The following TMEM144 variants were observed in gnomAD, a reference collection of about 807,000 sequenced individuals.
The protein encoded by TMEM144 is transmembrane protein 144.
Under a neutral mutation model 43.6 loss-of-function variants are expected in TMEM144, and 39 were observed. The ratio of observed to expected loss-of-function variants is 0.90; its 90% CI spans 0.69 to 1.17. The LOEUF (loss-of-function observed/expected upper bound fraction) is 1.17, where lower values mean the gene tolerates loss of function less well. TMEM144 is among the 50% of genes most tolerant of loss of function. TMEM144 has a pLI of 0.00. For synonymous variants in TMEM144, 154 were observed against 133.6 expected (o/e 1.15, Z -1.06); for missense variants, 417 against 411.9 (o/e 1.01, Z -0.11).
At chr4:158,236,032 C>G (rs978595549) in intron 8 of TMEM144, among the ~76,000 whole-genome samples, 1 of 152,082 alleles carries the variant, frequency 6.6e-6, no homozygotes, top group Non-Finnish European at 1.5e-5. Flanking sequence ...AACATCAGCC[C>G]CTCTACTTTA....
At position 158,253,433 on chromosome 4, in the gene TMEM144, T is replaced by G; in HGVS notation, c.955-11T>G. 1 of 1,606,688 alleles carries G rather than the reference T, an allele frequency of 6.2e-7. No homozygotes were observed. The highest frequency in any genetic ancestry group is 8.5e-7 in the Non-Finnish European group (1 of 1,174,884). On this transcript the variant is annotated splice_polypyrimidine_tract_variant and intron_variant, in intron 12 of 12. Transcript: ENST00000296529. ...CCTTATTCATCACTGTTATTCTTTT[T>G]TCTTATTCAGGGTCTACAAAACTAC...
Position 158,244,325 on chromosome 4 carries a change from T to C in TMEM144, c.930T>C (p.Gly310=), listed in dbSNP as rs560631647. The C allele has an allele frequency of 1.9e-6, 3 of 1,608,504 alleles. No individual in the cohort carries two copies. Among genetic ancestry groups the C allele is most frequent in the East Asian group, 4.5e-5 (2 of 44,564 alleles). ...AGPGFIAAMW[G]IFMFKEIKGL... ...CAGGATTTATAGCTGCAATGTGGGG[T>C]ATCTTCATGTTTAAGGAAATAAAGG... The change falls in exon 12 of 13, where the codon GGT becomes GGC. Residue 310 remains glycine, a synonymous_variant. Coordinates refer to ENST00000296529, the MANE Select transcript of TMEM144 (RefSeq NM_018342.5).
At chr4:158,216,520 T>A (rs1227467339) in intron 4 of TMEM144, among the ~76,000 whole-genome samples, 1 of 152,208 alleles carries the variant, frequency 6.6e-6, no homozygotes, top group East Asian at 1.9e-4. Context: ...GGAGATTTCT[T>A]CTTGATGGTT....
intron 11 of TMEM144, among the ~76,000 whole-genome samples, chr4:158,243,117 A>C (rs547362281): frequency 6.6e-6 from 1 of 152,340 alleles, no homozygotes; most frequent in South Asian, 2.1e-4. Flanking sequence ...GGATTTTCAG[A>C]TTAAAAATTC....
At chr4:158,219,484 T>C (rs559502364) in intron 6 of TMEM144, 94 bp downstream of exon 6, 4 of 1,199,846 alleles carry the variant, frequency 3.3e-6, no homozygotes, top group African/African-American at 1.5e-5. Context: ...TAAACCTACA[T>C]TTCGTAAAAT....
chr4:158,216,233 G>A (rs1459858369), intron 4 of TMEM144, among the ~76,000 whole-genome samples: 1 of 152,148 alleles, frequency 6.6e-6, no homozygotes, highest in African/African-American at 2.4e-5. Flanking sequence ...CACCCAGCAG[G>A]TTCCACTGGG....
At chr4:158,210,697 C>T (rs968430481) in intron 1 of TMEM144, 111 bp downstream of exon 1, 4 of 152,210 alleles carry the variant, frequency 2.6e-5, no homozygotes, top group Non-Finnish European at 5.9e-5. Flanking sequence ...GGAATAAATA[C>T]ATTCAAGCAC....
In TMEM144 at chr4:158,223,715, A is replaced by C. The variant is rs143701930; in HGVS notation, c.413+4325A>C. Among the ~76,000 whole-genome samples, 21 of 152,362 alleles carry C rather than the reference A, an allele frequency of 1.4e-4. No individual in the cohort carries two copies. In the East Asian group the frequency reaches 3.7e-3, roughly 27 times the overall value. ...GCTGAGGATGATGGCTTCCAGCCTC[A>C]TCCATGTCTCTGCAAAGGACATGAC... On this transcript the variant is annotated intron_variant, in intron 6 of 12. Transcript: ENST00000296529.
At chr4:158,232,879 C>T (rs369944305) in intron 6 of TMEM144, 22 bp from the exon 7 acceptor site, 40 of 1,549,370 alleles carry the variant, frequency 2.6e-5, no homozygotes, top group Non-Finnish European at 3.1e-5. Context: ...ATAAATATCA[C>T]TAAAATTTAT....
intron 3 of TMEM144, 58 bp from the exon 4 acceptor site, chr4:158,215,133 G>A (rs1734153444): frequency 1.2e-6 from 2 of 1,608,600 alleles, no homozygotes; most frequent in African/African-American, 1.3e-5. Flanking sequence ...AGATATTCCT[G>A]AGCACAAATT....
At position 158,240,428 on chromosome 4, in the gene TMEM144, T is replaced by G. The variant is rs1356523862; in HGVS notation, c.802+10T>G. The G allele has an allele frequency of 6.3e-6, 10 of 1,593,804 alleles. No individual in the cohort carries two copies. In the African/African-American group the frequency reaches 8.1e-5, roughly 13 times the overall value. ...GAAGCAGTCCTACCAGGTAAGAATATGTACTACAGATCTTCTTACTATATG... is the reference window on the plus strand; with the variant it reads ...GAAGCAGTCCTACCAGGTAAGAATAGGTACTACAGATCTTCTTACTATATG... On this transcript the variant is annotated intron_variant, in intron 10 of 12. Coordinates refer to ENST00000296529, the MANE Select transcript of TMEM144 (RefSeq NM_018342.5).
intron 9 of TMEM144, among the ~76,000 whole-genome samples, 189 bp from the exon 10 acceptor site, chr4:158,240,110 C>T (rs1263691226): frequency 6.6e-6 from 1 of 152,120 alleles, no homozygotes; most frequent in Non-Finnish European, 1.5e-5. Context: ...CAGTCTCGAT[C>T]TCCTGACCTC....
chr4:158,221,197 C>G (rs1734490733), intron 6 of TMEM144, among the ~76,000 whole-genome samples: 1 of 152,098 alleles, frequency 6.6e-6, no homozygotes, highest in Admixed American at 6.5e-5. Context: ...GTATTTTAAA[C>G]AGGAGAGGAT....
chr4:158,214,650 A>C (rs1267133694), intron 3 of TMEM144, among the ~76,000 whole-genome samples: 4 of 152,120 alleles, frequency 2.6e-5, no homozygotes, highest in African/African-American at 9.7e-5. Flanking sequence ...ATAATGCCCG[A>C]CTCATCATAG....
In TMEM144 at chr4:158,219,326, T is replaced by C. The variant is rs774491998; in HGVS notation, c.349T>C (p.Leu117=). 2.0e-5 allele frequency: 32 copies of C among 1,613,710 alleles called. No individual in the cohort carries two copies. The highest frequency in any genetic ancestry group is 8.0e-5 in the African/African-American group (6 of 74,872). The change falls in exon 6 of 13, where the codon TTG becomes CTG. Residue 117 remains leucine (L), a synonymous_variant. Coordinates refer to ENST00000296529, the MANE Select transcript of TMEM144 (RefSeq NM_018342.5). ...WASSRFGWFG[L]DAEEVSNPLL... is the part of the protein sequence containing the mutation. ...GATTTTCAGGTTTGGCTGGTTTGGA[T>C]TGGATGCAGAAGAAGTATCAAATCC...
intron 1 of TMEM144, chr4:158,210,825 A>C (rs1460508021): frequency 1.3e-5 from 2 of 152,216 alleles, no homozygotes; most frequent in African/African-American, 4.8e-5. Context: ...GAACATACCA[A>C]ATACGAATTT....
intron 2 of TMEM144, chr4:158,212,353 A>C (rs985424316): frequency 3.0e-5 from 6 of 198,256 alleles, no homozygotes; most frequent in African/African-American, 1.4e-4. Flanking sequence ...GAACCTACAC[A>C]GGAGAATTTT....
rs756683837 is a variant in TMEM144 at position 158,217,429 on chromosome 4, A to G, written c.332+9A>G. On this transcript the variant is annotated intron_variant, in intron 5 of 12. Coordinates refer to ENST00000296529, the MANE Select transcript of TMEM144 (RefSeq NM_018342.5). ...GGCTGGGCAAGCTCAAGGTAATTCA[A>G]GTCAAACTAGTTCAACTAAGATTTC... 14 of 1,580,064 alleles carry G rather than the reference A, an allele frequency of 8.9e-6. No homozygotes were observed. In the Admixed American group the frequency reaches 2.3e-4, roughly 26 times the overall value.
At chr4:158,247,136 C>A (rs959040768) in intron 12 of TMEM144, among the ~76,000 whole-genome samples, 4 of 151,790 alleles carry the variant, frequency 2.6e-5, no homozygotes, top group African/African-American at 9.7e-5. Context: ...TAATTAATAT[C>A]ATTTACTCTA....
Sources: allele counts gnomAD v4.1 joint callset (sites outside exome capture counted in the v4.1 genomes callset), GRCh38; gene constraint gnomAD v4.1.1; transcripts MANE v1.5; gene names NCBI Gene and HGNC (gene_info 2026-07-23, HGNC 2026-07-21).